Variants in ICMT observed in about 807,000 individuals in gnomAD.
The protein encoded by ICMT is protein-S-isoprenylcysteine O-methyltransferase.
Under a neutral mutation model 32.2 loss-of-function variants are expected in ICMT, and 10 were observed. The observed-to-expected ratio is 0.31, with a 90% CI of 0.19 to 0.53. The LOEUF (loss-of-function observed/expected upper bound fraction) is 0.53, where lower values mean the gene tolerates loss of function less well. ICMT is among the 20% of genes least tolerant of loss of function. ICMT has a pLI of 0.96. For synonymous variants in ICMT, 183 were observed against 158.2 expected (o/e 1.16, Z -1.18); for missense variants, 265 against 356.9 (o/e 0.74, Z 2.07).
Position 6,233,579 on chromosome 1 carries a change from T to A in ICMT, c.349A>T (p.Lys117Ter), listed in dbSNP as rs898589834. 1 of 1,614,038 alleles carries A rather than the reference T, an allele frequency of 6.2e-7. No homozygotes were observed. The highest frequency in any genetic ancestry group is 8.5e-7 in the Non-Finnish European group (1 of 1,179,906). Residue 117 changes from lysine (K) to a stop codon, truncating the protein, a stop_gained, in exon 3 of 5, where the codon AAA becomes TAA. Coordinates refer to ENST00000343813, the MANE Select transcript of ICMT (RefSeq NM_012405.4). LOFTEE classifies it high-confidence loss of function. The part of the protein sequence containing the change: ...EYLVTAVNNP[K>*]SLSLDSFLLN... ...AGAAAGGAATCCAAGGACAGACTTT[T>A]GGGATTATTGACTGCTGTCACCAAG...
chr1:6,234,833 C>A, intron 2 of ICMT, 53 bp downstream of exon 2: 1 of 1,296,844 alleles, frequency 7.7e-7, no homozygotes, highest in Middle Eastern at 1.8e-4. Context: ...GCTACAGACC[C>A]TCTGATCTGT....
chr1:6,234,658 G>C, intron 2 of ICMT: 1 of 565,454 alleles, frequency 1.8e-6, no homozygotes, highest in Non-Finnish European at 3.2e-6. Flanking sequence ...GCACCTTTGG[G>C]GGTGCCAGGG....
At chr1:6,229,815 CACACACACAT>C (rs1278116768) in intron 4 of ICMT, among the ~76,000 whole-genome samples, 10 of 133,428 alleles carry the variant, frequency 7.5e-5, no homozygotes, top group East Asian at 4.1e-4. Context: ...CACACACACA[CACACACACAT>C]AGAGCAGGTG....
At chr1:6,225,572 A>G (rs987646304) in intron 4 of ICMT, among the ~76,000 whole-genome samples, 2 of 152,024 alleles carry the variant, frequency 1.3e-5, no homozygotes, top group Non-Finnish European at 2.9e-5. Flanking sequence ...CCCCAACATG[A>G]GGTCCCATGC....
chr1:6,229,817 C>G (rs1668705006), intron 4 of ICMT, among the ~76,000 whole-genome samples: 1 of 132,866 alleles, frequency 7.5e-6, no homozygotes. Context: ...CACACACACA[C>G]ACACACATAG....
At chr1:6,229,075 C>T (rs184601391) in intron 4 of ICMT, among the ~76,000 whole-genome samples, 128 of 151,532 alleles carry the variant, frequency 8.4e-4, no homozygotes, top group East Asian at 3.5e-3. Context: ...TGGTGGCTCA[C>T]GCCTGTAATC....
Position 6,232,281 on chromosome 1 carries a change from C to T in ICMT, c.455-162G>A, listed in dbSNP as rs192110950. The stretch of plus-strand genomic sequence containing the variant: ...CACATTAAAATTTCATAAGAAAACA[C>T]ATTCCCCTAAGTTATGCTGTTCATC... On this transcript the variant is annotated intron_variant, in intron 3 of 4. Coordinates refer to ENST00000343813, the MANE Select transcript of ICMT (RefSeq NM_012405.4). 2.0e-5 allele frequency among the ~76,000 whole-genome samples: 3 copies of T among 152,348 alleles called. No individual in the cohort carries two copies. The East Asian group carries it at 5.8e-4, about 29-fold the overall frequency.
At chr1:6,229,452 TG>T (rs1668696942) in intron 4 of ICMT, among the ~76,000 whole-genome samples, 1 of 152,166 alleles carries the variant, frequency 6.6e-6, no homozygotes, top group Admixed American at 6.5e-5. Context: ...CACTCCAGCC[TG>T]GGCAACAAGA....
intron 4 of ICMT, among the ~76,000 whole-genome samples, chr1:6,230,256 A>C (rs1240295425): frequency 6.6e-6 from 1 of 152,164 alleles, no homozygotes; most frequent in East Asian, 1.9e-4. Context: ...CTGAGACTAT[A>C]GGCATGTGCC....
At chr1:6,235,212 C>G (rs1272166669) in intron 1 of ICMT, among the ~76,000 whole-genome samples, 1 of 152,238 alleles carries the variant, frequency 6.6e-6, no homozygotes, top group Non-Finnish European at 1.5e-5. Context: ...CAGGGGATAA[C>G]AGTACCTACC....
intron 4 of ICMT, among the ~76,000 whole-genome samples, chr1:6,225,988 G>A (rs1668640323): frequency 6.6e-6 from 1 of 152,008 alleles, no homozygotes; most frequent in Non-Finnish European, 1.5e-5. Context: ...CCAAGTAGCT[G>A]GGACTAAGGG....
At position 6,232,162 on chromosome 1, in the gene ICMT, C is replaced by G. The variant is rs749046313; in HGVS notation, c.455-43G>C. On this transcript the variant is annotated intron_variant, in intron 3 of 4. Transcript: ENST00000343813. ...CAACGACACACGGGGAGTGAAAACA[C>G]TGGCCTGAGCTCCCCTTCGCACTGC... The G allele has an allele frequency of 3.5e-6, 5 of 1,446,592 alleles. No homozygotes were observed. The East Asian group carries it at 1.2e-4, about 34-fold the overall frequency. The allele number at this position is 1,446,592 out of a possible 1,614,324, so 89.6% of individuals were successfully genotyped here.
chr1:6,232,788 T>C (rs1447859428), intron 3 of ICMT, among the ~76,000 whole-genome samples: 1 of 152,084 alleles, frequency 6.6e-6, no homozygotes, highest in Non-Finnish European at 1.5e-5. Context: ...CCTCATGTGA[T>C]CCACCCACCT....
rs1408340419 is a variant in ICMT, at chr1:6,231,904, G to C, written c.670C>G (p.Gln224Glu). 1 of 1,531,026 alleles carries C rather than the reference G, an allele frequency of 6.5e-7. No individual in the cohort carries two copies. The highest frequency in any genetic ancestry group is 1.9e-5 in the Admixed American group (1 of 53,390). 94.8% of individuals were successfully genotyped at this position (1,531,026 alleles called of 1,614,324 possible). A position where few individuals can be genotyped will look rare whatever the true frequency, so the allele number is the denominator to read the frequency against. The change falls in exon 4 of 5, where the codon CAG (glutamine) becomes GAG (glutamate). Residue 224 changes from glutamine to glutamate, a missense_variant and splice_region_variant. By Grantham distance (29) the Gln-to-Glu change is conservative. Transcript: ENST00000343813. ...CAGTGTCATATTTAATATTATACCTGAGTTCCAATACTCCAGTAAAACCAC... is the reference window on the plus strand; with the variant it reads ...CAGTGTCATATTTAATATTATACCTCAGTTCCAATACTCCAGTAAAACCAC... ...VGWFYWSIGTQVMLCNPICGV... is the reference protein window; with the variant it reads ...VGWFYWSIGTEVMLCNPICGV...
chr1:6,227,178 A>T (rs1028917558), intron 4 of ICMT, among the ~76,000 whole-genome samples: 2 of 152,136 alleles, frequency 1.3e-5, no homozygotes, highest in African/African-American at 4.8e-5. Context: ...AGCACAATGT[A>T]AAAAAAATCT....
intron 3 of ICMT, 151 bp from the exon 4 acceptor site, chr1:6,232,270 A>T (rs146178999): frequency 3.3e-6 from 2 of 603,964 alleles, no homozygotes; most frequent in South Asian, 2.1e-5. Context: ...TTAAAATTTC[A>T]TAAGAAAACA....
At chr1:6,226,131 A>G (rs1224779882) in intron 4 of ICMT, among the ~76,000 whole-genome samples, 1 of 152,082 alleles carries the variant, frequency 6.6e-6, no homozygotes, top group Non-Finnish European at 1.5e-5. Flanking sequence ...ACGGTGGCTC[A>G]TGTCTGTTAA....
chr1:6,229,781 A>AAT (rs1340690904), intron 4 of ICMT, among the ~76,000 whole-genome samples: 3 of 76,096 alleles, frequency 3.9e-5, no homozygotes, highest in East Asian at 7.0e-4. Flanking sequence ...AAATAAAAAA[A>AAT]ATACACACAC....
At chr1:6,231,859 A>T (rs1041400490) in intron 4 of ICMT, 43 bp downstream of exon 4, 13 of 281,912 alleles carry the variant, frequency 4.6e-5, no homozygotes, top group Non-Finnish European at 6.4e-5. Flanking sequence ...AATGTTACTT[A>T]AAAAAAAAAA....
Sources: gnomAD v4.1 joint callset for allele counts (sites outside exome capture counted in the v4.1 genomes callset) on GRCh38, gnomAD v4.1.1 for gene constraint, MANE v1.5 for transcripts, NCBI Gene and HGNC (gene_info 2026-07-23, HGNC 2026-07-21) for gene names.